NCOA1: variants seen among roughly 807,000 people sequenced by gnomAD.
The protein encoded by NCOA1 is Hin-2 protein.
A neutral mutation model predicts 150.9 loss-of-function variants in NCOA1; 35 were observed. The observed-to-expected ratio is 0.23, with a 90% CI of 0.18 to 0.31. NCOA1 has a LOEUF of 0.31. Among genes scored for constraint, NCOA1 ranks in the 10% least tolerant of loss-of-function variants. NCOA1 has a pLI of 1.00. For missense variants in NCOA1, 1,491 were observed against 1,749.3 expected (o/e 0.85, Z 2.63); for synonymous variants, 590 against 630.0 (o/e 0.94, Z 0.95).
intron 21 of NCOA1, among the ~76,000 whole-genome samples, chr2:24,758,778 C>T (rs1043261075): frequency 8.0e-5 from 12 of 150,942 alleles, no homozygotes; most frequent in African/African-American, 2.2e-4. Flanking sequence ...GTCAGGAGTT[C>T]GAGACCAGCC....
chr2:24,557,434 G>GA (rs1002376057), intron 1 of NCOA1, among the ~76,000 whole-genome samples: 13 of 151,920 alleles, frequency 8.6e-5, no homozygotes, highest in African/African-American at 3.1e-4. Context: ...AACAAAGTAA[G>GA]AAAAAGTAGT....
chr2:24,659,995 G>T (rs888728660), intron 5 of NCOA1, among the ~76,000 whole-genome samples: 1 of 152,132 alleles, frequency 6.6e-6, no homozygotes, highest in African/African-American at 2.4e-5. Context: ...AGGAAAAAAA[G>T]GAGGATTTTA....
At chr2:24,749,358 C>G (rs1275232463) in intron 19 of NCOA1, among the ~76,000 whole-genome samples, 1 of 152,172 alleles carries the variant, frequency 6.6e-6, no homozygotes, top group Middle Eastern at 3.2e-3. Flanking sequence ...TAGCACTACA[C>G]AGAGAATTGT....
intron 4 of NCOA1, among the ~76,000 whole-genome samples, chr2:24,654,350 G>A (rs1670833591): frequency 6.6e-6 from 1 of 151,930 alleles, no homozygotes; most frequent in South Asian, 2.1e-4. Flanking sequence ...CCCCATAGAA[G>A]GTTTAATAAA....
intron 2 of NCOA1, among the ~76,000 whole-genome samples, chr2:24,570,712 C>T (rs1434784806): frequency 1.3e-5 from 2 of 152,128 alleles, no homozygotes; most frequent in African/African-American, 2.4e-5. Context: ...AAGTTGAACC[C>T]GAATGTGATC....
rs541072079 is a variant in NCOA1, at chr2:24,521,368, G to T, written c.-396+29766G>T. Among the ~76,000 whole-genome samples the T allele has an allele frequency of 1.4e-3, 214 of 152,102 alleles. 2 individuals are homozygous for T. The highest frequency in any genetic ancestry group is 1.9e-3 in the Non-Finnish European group (131 of 68,002). On this transcript the variant is annotated intron_variant, in intron 1 of 22. Transcript: ENST00000348332. The stretch of plus-strand genomic sequence containing the variant: ...GTCAAAGTGAAACTTTATAACCTTT[G>T]ACTAACATCTCCCCATTCCCACCCC...
At chr2:24,559,777 C>G (rs111767805) in intron 1 of NCOA1, among the ~76,000 whole-genome samples, 11 of 152,160 alleles carry the variant, frequency 7.2e-5, no homozygotes, top group East Asian at 5.8e-4. Flanking sequence ...ACTCCACCAC[C>G]TGGCAGAGGT....
intron 19 of NCOA1, among the ~76,000 whole-genome samples, chr2:24,743,030 G>A (rs954108961): frequency 1.3e-5 from 2 of 151,934 alleles, no homozygotes; most frequent in African/African-American, 4.8e-5. Context: ...CTTTGTCCTG[G>A]GTGATAATAT....
intron 14 of NCOA1, among the ~76,000 whole-genome samples, chr2:24,720,288 T>C (rs1243132597): frequency 1.3e-5 from 2 of 152,230 alleles, no homozygotes; most frequent in Admixed American, 1.3e-4. Flanking sequence ...GCTTTATTTA[T>C]TATGGGCCTC....
In NCOA1 at chr2:24,707,398, A is replaced by G; in HGVS notation, c.1928A>G (p.Gln643Arg). The G allele has an allele frequency of 6.2e-7, 1 of 1,614,210 alleles. No individual in the cohort carries two copies. The highest frequency in any genetic ancestry group is 8.5e-7 in the Non-Finnish European group (1 of 1,180,034). Residue 643 changes from glutamine (Q) to arginine (R), a missense_variant, in exon 13 of 23, where the codon CAG (glutamine) becomes CGG (arginine). Physicochemically the swap from Gln to Arg is conservative, Grantham distance 43. Coordinates refer to ENST00000348332, the MANE Select transcript of NCOA1 (RefSeq NM_003743.5). ...LVQLLTTTAE[Q>R]QLRHADIDTS... ...CAGCTTTTGACAACAACTGCCGAAC[A>G]GCAGTTACGGCATGCTGATATAGAC...
chr2:24,576,111 T>C (rs1416322677), intron 2 of NCOA1, among the ~76,000 whole-genome samples: 3 of 149,856 alleles, frequency 2.0e-5, no homozygotes, highest in African/African-American at 2.4e-5. Flanking sequence ...AAACTATTCA[T>C]AGCCTTGTGT....
At chr2:24,543,917 G>A (rs1665499903) in intron 1 of NCOA1, among the ~76,000 whole-genome samples, 1 of 152,126 alleles carries the variant, frequency 6.6e-6, no homozygotes, top group Non-Finnish European at 1.5e-5. Context: ...TCAGATTGTA[G>A]TGTGAATGGA....
chr2:24,721,534 T>G (rs1005767703), intron 14 of NCOA1, among the ~76,000 whole-genome samples: 1 of 152,242 alleles, frequency 6.6e-6, no homozygotes, highest in Non-Finnish European at 1.5e-5. Context: ...TCAGTTGTTG[T>G]GAGGAATAGG....
chr2:24,719,393 T>A (rs1002351156), intron 14 of NCOA1, among the ~76,000 whole-genome samples: 2 of 152,186 alleles, frequency 1.3e-5, no homozygotes, highest in Non-Finnish European at 2.9e-5. Flanking sequence ...TCTCAAAATT[T>A]GTTGAACTGT....
intron 17 of NCOA1, among the ~76,000 whole-genome samples, chr2:24,733,135 T>C (rs79125074): frequency 6.6e-6 from 1 of 152,182 alleles, no homozygotes; most frequent in East Asian, 1.9e-4. Context: ...TGGCTGCGGG[T>C]TGGCAATAAC....
At chr2:24,600,800 C>T (rs1668077951) in intron 3 of NCOA1, among the ~76,000 whole-genome samples, 1 of 152,204 alleles carries the variant, frequency 6.6e-6, no homozygotes, top group Non-Finnish European at 1.5e-5. Context: ...ACTATTATTA[C>T]TCTCATAGTA....
intron 2 of NCOA1, among the ~76,000 whole-genome samples, chr2:24,580,430 T>C (rs916112022): frequency 2.6e-5 from 4 of 152,204 alleles, no homozygotes; most frequent in African/African-American, 7.2e-5. Flanking sequence ...TGTTAGGTCT[T>C]GAGGCTCTAA....
intron 17 of NCOA1, among the ~76,000 whole-genome samples, chr2:24,731,438 G>A (rs1401390051): frequency 6.6e-6 from 1 of 152,098 alleles, no homozygotes; most frequent in East Asian, 1.9e-4. Flanking sequence ...ATAATGCCTG[G>A]CATATTGTAG....
At chr2:24,544,055 G>C (rs578207949) in intron 1 of NCOA1, among the ~76,000 whole-genome samples, 1 of 152,268 alleles carries the variant, frequency 6.6e-6, no homozygotes, top group African/African-American at 2.4e-5. Flanking sequence ...AGGATCATAA[G>C]GATGGAGATG....
Sources: allele counts gnomAD v4.1 joint callset (sites outside exome capture counted in the v4.1 genomes callset), GRCh38; gene constraint gnomAD v4.1.1; transcripts MANE v1.5; gene names NCBI Gene and HGNC (gene_info 2026-07-23, HGNC 2026-07-21).